NCOR1: variants seen among roughly 807,000 people sequenced by gnomAD.
The protein encoded by NCOR1 is protein phosphatase 1, regulatory subunit 109.
A neutral mutation model predicts 288.1 loss-of-function variants in NCOR1; 63 were observed. The ratio of observed to expected loss-of-function variants is 0.22; its 90% CI spans 0.18 to 0.27. NCOR1 has a LOEUF of 0.27. Ranked by LOEUF, NCOR1 falls within the 10% of genes least tolerant of loss-of-function variation. NCOR1 has a pLI of 1.00. For missense variants in NCOR1, 2,397 were observed against 3,019.2 expected (o/e 0.79, Z 4.83); for synonymous variants, 1,007 against 1,065.9 (o/e 0.94, Z 1.08).
rs762866050 is a variant in NCOR1 at position 16,101,530 on chromosome 17, T to C, written c.2410A>G (p.Ser804Gly). Residue 804 changes from serine (S) to glycine (G), a missense_variant, in exon 20 of 46, where the codon AGT (serine) becomes GGT (glycine). Physicochemically the swap from Ser to Gly is moderately conservative, Grantham distance 56 (BLOSUM62 0). Around this residue, in one of 11 missense-constraint regions of NCOR1, gnomAD observed 1,872 missense variants for 2,187.8 expected, o/e 0.86. Transcript: ENST00000268712. The part of the protein sequence containing the change: ...EQMDVDQQEH[S>G]AEEGSVCDPP... ...TCACAAACAGAACCCTCTTCAGCAC[T>C]GTGCTCCTGCTGATCTACATCCATC... 2 of 1,614,116 alleles carry C rather than the reference T, an allele frequency of 1.2e-6. No individual in the cohort carries two copies. Among genetic ancestry groups the C allele is most frequent in the Non-Finnish European group, 1.7e-6 (2 of 1,180,058 alleles).
intron 14 of NCOR1, among the ~76,000 whole-genome samples, chr17:16,127,568 T>C (rs1173306868): frequency 7.0e-6 from 1 of 142,374 alleles, no homozygotes; most frequent in Non-Finnish European, 1.5e-5. Context: ...TATATATGTA[T>C]GTATATATAC....
chr17:16,176,315 C>T (rs1475598581), intron 3 of NCOR1, among the ~76,000 whole-genome samples: 4 of 152,194 alleles, frequency 2.6e-5, no homozygotes, highest in South Asian at 4.1e-4. Flanking sequence ...GTCTCCCAGG[C>T]TAGAGTACAG....
intron 6 of NCOR1, among the ~76,000 whole-genome samples, chr17:16,157,912 G>C (rs1049270904): frequency 6.6e-6 from 1 of 151,724 alleles, no homozygotes; most frequent in Non-Finnish European, 1.5e-5. Flanking sequence ...TTTTAATTAA[G>C]AGTATGAGAG....
intron 25 of NCOR1, 123 bp downstream of exon 25, chr17:16,080,283 GAA>G: frequency 2.1e-6 from 2 of 952,504 alleles, no homozygotes; most frequent in African/African-American, 1.7e-5. Context: ...TACATGGAAA[GAA>G]AACAAATTTA....
Position 16,057,530 on chromosome 17 carries a change from C to A in NCOR1, c.6376G>T (p.Asp2126Tyr), listed in dbSNP as rs1020037220. The A allele has an allele frequency of 6.2e-7, 1 of 1,613,848 alleles. No homozygotes were observed. Among genetic ancestry groups the A allele is most frequent in the African/African-American group, 1.3e-5 (1 of 74,886 alleles). ...GSRVSPENLV[D>Y]KSRGSRPGKS... Reference sequence around the variant, plus strand: ...AGATCATACCTTCCCCTGGATTTGTCCACAAGATTTTCTGGAGAGACCCTT... The same window carrying A: ...AGATCATACCTTCCCCTGGATTTGTACACAAGATTTTCTGGAGAGACCCTT... The change falls in exon 40 of 46, where the codon GAC (aspartate) becomes TAC (tyrosine). Residue 2126 changes from aspartate (D) to tyrosine (Y), a missense_variant. Around this residue, in one of 11 missense-constraint regions of NCOR1, gnomAD observed 1,872 missense variants for 2,187.8 expected, o/e 0.86. Transcript: ENST00000268712.
At position 16,139,052 on chromosome 17, in the gene NCOR1, A is replaced by G; in HGVS notation, c.1308T>C (p.Phe436=). The change falls in exon 12 of 46, where the codon TTT becomes TTC. Residue 436 remains phenylalanine (F), a synonymous_variant. Transcript: ENST00000268712. ...DPMKVYKDRQ[F]MNVWTDHEKE... ...TTTCATGGTCAGTCCAAACATTCATAAACTGCCTATCTTTATACACTTTCA... is the reference window on the plus strand; with the variant it reads ...TTTCATGGTCAGTCCAAACATTCATGAACTGCCTATCTTTATACACTTTCA... The G allele has an allele frequency of 6.2e-7, 1 of 1,605,290 alleles. No individual in the cohort carries two copies. The highest frequency in any genetic ancestry group is 8.5e-7 in the Non-Finnish European group (1 of 1,174,864).
At chr17:16,202,688 G>C (rs900793335) in intron 1 of NCOR1, among the ~76,000 whole-genome samples, 12 of 152,156 alleles carry the variant, frequency 7.9e-5, no homozygotes, top group African/African-American at 2.7e-4. Flanking sequence ...CTGTAGGAAA[G>C]CTACATAACT....
chr17:16,075,578 T>A lies in NCOR1; in HGVS notation c.3626A>T (p.His1209Leu). ...TCCACTTTTGCCTTCATAAATAACA[T>A]GGCCTTTGGATGCAGCTTCCTCTCT... ...KGREEAASKG[H>L]VIYEGKSGHI... Residue 1209 changes from histidine (H) to leucine (L), a missense_variant, in exon 27 of 46, where the codon CAT becomes CTT. This residue lies in a region of NCOR1 where 1,872 missense variants were observed against 2,187.8 expected (regional missense o/e 0.86). Transcript: ENST00000268712. The A allele has an allele frequency of 6.2e-7, 1 of 1,614,258 alleles. No homozygotes were observed. Among genetic ancestry groups the A allele is most frequent in the South Asian group, 1.1e-5 (1 of 91,088 alleles).
intron 11 of NCOR1, among the ~76,000 whole-genome samples, chr17:16,140,956 A>C (rs1417735166): frequency 1.3e-5 from 2 of 150,698 alleles, no homozygotes; most frequent in Non-Finnish European, 2.9e-5. Flanking sequence ...ACACCATTGC[A>C]CTCCAGCCTG....
In NCOR1 at chr17:16,101,522, T is replaced by C. The variant is rs201151755; in HGVS notation, c.2418A>G (p.Glu806=). Residue 806 remains glutamate (E), a synonymous_variant, in exon 20 of 46, where the codon GAA becomes GAG. Coordinates refer to ENST00000268712, the MANE Select transcript of NCOR1 (RefSeq NM_006311.4). ...GTGGGGGATCACAAACAGAACCCTC[T>C]TCAGCACTGTGCTCCTGCTGATCTA... ...MDVDQQEHSA[E]EGSVCDPPPA... is the part of the protein sequence containing the mutation. The C allele has an allele frequency of 1.5e-5, 25 of 1,614,208 alleles. No homozygotes were observed. The African/African-American group carries it at 1.9e-4, about 12-fold the overall frequency.
chr17:16,072,593 C>A (rs186450777), intron 28 of NCOR1, among the ~76,000 whole-genome samples: 1 of 152,112 alleles, frequency 6.6e-6, no homozygotes, highest in East Asian at 1.9e-4. Flanking sequence ...AATATGGATA[C>A]CATAAAAATA....
chr17:16,203,752 A>C (rs922073178), intron 1 of NCOR1, among the ~76,000 whole-genome samples: 5 of 152,212 alleles, frequency 3.3e-5, no homozygotes, highest in African/African-American at 1.2e-4. Context: ...GAAATAAGAA[A>C]TATACGAATA....
chr17:16,156,494 A>G (rs1473758679), intron 6 of NCOR1, among the ~76,000 whole-genome samples: 1 of 151,424 alleles, frequency 6.6e-6, no homozygotes, highest in Non-Finnish European at 1.5e-5. Flanking sequence ...AAAAGAAGGA[A>G]AGGAGAGGGA....
At chr17:16,207,914 C>A (rs1437160910) in intron 1 of NCOR1, among the ~76,000 whole-genome samples, 1 of 151,708 alleles carries the variant, frequency 6.6e-6, no homozygotes, top group Admixed American at 6.6e-5. Flanking sequence ...GGATTCTTGA[C>A]TTTTCCTTTA....
At chr17:16,035,675 G>A (rs1220835652) in intron 44 of NCOR1, among the ~76,000 whole-genome samples, 1 of 151,696 alleles carries the variant, frequency 6.6e-6, no homozygotes. Flanking sequence ...CCAAGTAGCT[G>A]GGACCACAGG....
chr17:16,124,434 T>A (rs973215369), intron 15 of NCOR1, among the ~76,000 whole-genome samples: 2 of 152,150 alleles, frequency 1.3e-5, no homozygotes, highest in African/African-American at 4.8e-5. Flanking sequence ...ATGGGAACCG[T>A]TTGGGGTGAT....
intron 9 of NCOR1, among the ~76,000 whole-genome samples, chr17:16,149,049 C>T (rs1051959396): frequency 1.3e-5 from 2 of 151,938 alleles, no homozygotes; most frequent in Admixed American, 6.5e-5. Flanking sequence ...TTTGAAAAAG[C>T]TGAACCCTAG....
Position 16,040,428 on chromosome 17 carries a change from T to C in NCOR1, c.6733+13A>G, listed in dbSNP as rs758540115. 8 of 1,612,374 alleles carry C rather than the reference T, an allele frequency of 5.0e-6. No homozygotes were observed. Among genetic ancestry groups the C allele is most frequent in the African/African-American group, 1.3e-5 (1 of 74,904 alleles). ...CAATTTTGTATTGGTAAATAATGTC[T>C]TTTCAATCTTACCTGACGTAGTAAC... On this transcript the variant is annotated intron_variant, in intron 43 of 45. Coordinates refer to ENST00000268712, the MANE Select transcript of NCOR1 (RefSeq NM_006311.4).
chr17:16,167,385 CAA>C (rs79451211), intron 4 of NCOR1, among the ~76,000 whole-genome samples: 1 of 140,558 alleles, frequency 7.1e-6, no homozygotes. Flanking sequence ...TATCTTACAT[CAA>C]AAAAAAAAGC....
Sources: allele counts gnomAD v4.1 joint callset (sites outside exome capture counted in the v4.1 genomes callset), GRCh38; gene constraint gnomAD v4.1.1; regional missense constraint gnomAD v4.1.1; transcripts MANE v1.5; gene names NCBI Gene and HGNC (gene_info 2026-07-23, HGNC 2026-07-21).